FOXN3: variants seen among roughly 807,000 people sequenced by gnomAD.
FOXN3 encodes the protein forkhead box N3.
In FOXN3, 7 loss-of-function variants were observed where a neutral mutation model predicts 38.4. That is an observed-to-expected ratio of 0.18 (90% CI 0.10 to 0.34). The LOEUF (loss-of-function observed/expected upper bound fraction) is 0.34, where lower values mean the gene tolerates loss of function less well. FOXN3 is among the 10% of genes least tolerant of loss of function. The probability of loss-of-function intolerance (pLI) is 1.00; values close to 1 mark genes in which losing one functional copy is unlikely to be tolerated. For missense variants in FOXN3, 456 were observed against 613.4 expected (o/e 0.74, Z 2.71); for synonymous variants, 230 against 242.2 (o/e 0.95, Z 0.47).
chr14:89,523,651 A>C (rs1894366871), intron 1 of FOXN3, among the ~76,000 whole-genome samples: 1 of 152,352 alleles, frequency 6.6e-6, no homozygotes, highest in Non-Finnish European at 1.5e-5. Context: ...AACTGGATGA[A>C]AATGAAAACA....
chr14:89,333,742 A>G lies in FOXN3; in HGVS notation c.680+16930T>C, dbSNP rs1888331589. Among the ~76,000 whole-genome samples the G allele has an allele frequency of 2.8e-5, 3 of 108,898 alleles. No homozygotes were observed. In the South Asian group the frequency reaches 1.1e-3, roughly 41 times the overall value. 71.4% of individuals were successfully genotyped at this position (108,898 alleles called of 152,430 possible). A position where few individuals can be genotyped will look rare whatever the true frequency, so the allele number is the denominator to read the frequency against. ...CACTCCAGCCTGGGTGAACACAGAG[A>G]GACTATTAAAAAAAAAAAAAAAAAA... On this transcript the variant is annotated intron_variant, in intron 3 of 5. Transcript: ENST00000557258.
At chr14:89,204,719 A>G (rs546048830) in intron 4 of FOXN3, among the ~76,000 whole-genome samples, 2 of 152,322 alleles carry the variant, frequency 1.3e-5, no homozygotes, top group African/African-American at 4.8e-5. Flanking sequence ...TGAGAAGGCT[A>G]TGATAATATA....
intron 3 of FOXN3, among the ~76,000 whole-genome samples, chr14:89,292,651 G>C (rs142187780): frequency 7.9e-5 from 12 of 152,102 alleles, no homozygotes; most frequent in African/African-American, 2.7e-4. Context: ...AGGGTACAGC[G>C]TTCAAGGCCC....
rs560732864 is a variant in FOXN3 at position 89,343,861 on chromosome 14, C to T, written c.680+6811G>A. On this transcript the variant is annotated intron_variant, in intron 3 of 5. Transcript: ENST00000557258. The stretch of plus-strand genomic sequence containing the variant: ...CACTGCAACCTCCACCTCCCAGGTT[C>T]AAGCAATTCTCCTGCCTTAGCCTCC... Among the ~76,000 whole-genome samples the T allele has an allele frequency of 9.2e-5, 14 of 152,244 alleles. No individual in the cohort carries two copies. The South Asian group carries it at 2.3e-3, about 25-fold the overall frequency.
intron 2 of FOXN3, among the ~76,000 whole-genome samples, chr14:89,380,571 C>T (rs1051393120): frequency 6.6e-6 from 1 of 152,176 alleles, no homozygotes; most frequent in Non-Finnish European, 1.5e-5. Context: ...ACACCGTGCC[C>T]GTCTGTGCGC....
chr14:89,574,672 C>T (rs895882663), intron 1 of FOXN3, among the ~76,000 whole-genome samples: 3 of 152,194 alleles, frequency 2.0e-5, no homozygotes, highest in Non-Finnish European at 4.4e-5. Context: ...TTTCCTACCA[C>T]TTTACATCCC....
chr14:89,468,367 T>C (rs1050018801), intron 1 of FOXN3, among the ~76,000 whole-genome samples: 1 of 152,006 alleles, frequency 6.6e-6, no homozygotes, highest in Non-Finnish European at 1.5e-5. Flanking sequence ...GACAGAAGAA[T>C]TGCTTGAACC....
At chr14:89,601,343 T>C (rs191150636) in intron 1 of FOXN3, among the ~76,000 whole-genome samples, 33 of 151,910 alleles carry the variant, frequency 2.2e-4, no homozygotes, top group African/African-American at 7.0e-4. Context: ...CCACATGCAT[T>C]GTGTTTGCAT....
intron 1 of FOXN3, among the ~76,000 whole-genome samples, chr14:89,469,682 G>A (rs150476485): frequency 1.2e-4 from 18 of 152,350 alleles, no homozygotes; most frequent in African/African-American, 4.3e-4. Flanking sequence ...GAACGGAGCA[G>A]GAGCTGATGG....
intron 1 of FOXN3, among the ~76,000 whole-genome samples, chr14:89,553,683 G>A (rs1052032669): frequency 2.0e-5 from 3 of 152,022 alleles, no homozygotes; most frequent in African/African-American, 7.3e-5. Flanking sequence ...TCGCTCATCC[G>A]GAAGTCAGGG....
intron 1 of FOXN3, among the ~76,000 whole-genome samples, chr14:89,433,526 T>C (rs1892209409): frequency 6.6e-6 from 1 of 151,552 alleles, no homozygotes. Context: ...AAAATTAGGC[T>C]GGGTGCGGTG....
chr14:89,388,170 C>A (rs1272748627), intron 2 of FOXN3, among the ~76,000 whole-genome samples: 2 of 152,158 alleles, frequency 1.3e-5, no homozygotes, highest in East Asian at 3.8e-4. Context: ...GGCAACAGAA[C>A]AAGATTCCGT....
At chr14:89,204,097 AC>A (rs1566928504) in intron 4 of FOXN3, among the ~76,000 whole-genome samples, 129 of 135,610 alleles carry the variant, frequency 9.5e-4, no homozygotes, top group African/African-American at 3.5e-3. Flanking sequence ...ACACACACAC[AC>A]ACACAACTAC....
intron 1 of FOXN3, among the ~76,000 whole-genome samples, chr14:89,615,343 A>G (rs1714133690): frequency 6.6e-6 from 1 of 152,198 alleles, no homozygotes; most frequent in South Asian, 2.1e-4. Flanking sequence ...GTGTGTGAGT[A>G]ACTAGCTGAC....
At position 89,617,949 on chromosome 14, in the gene FOXN3, C is replaced by G. The variant is rs115201462; in HGVS notation, c.-15+1079G>C. ...GGGCTCCAGTCATTCGTGCAGCCTT[C>G]AGAGCTCTGCACCCTCCGAGCTGCT... On this transcript the variant is annotated intron_variant, in intron 1 of 6. Coordinates refer to the FOXN3 transcript ENST00000345097. Among the ~76,000 whole-genome samples, 1,076 of 152,292 alleles carry G rather than the reference C, an allele frequency of 7.1e-3. 10 individuals carry two copies. Among genetic ancestry groups the G allele is most frequent in the African/African-American group, 0.025 (1,032 of 41,556 alleles).
intron 1 of FOXN3, among the ~76,000 whole-genome samples, chr14:89,553,530 T>G (rs984248813): frequency 6.6e-6 from 1 of 151,824 alleles, no homozygotes; most frequent in African/African-American, 2.4e-5. Context: ...TTTTAATTCC[T>G]GATGAAGCAG....
In FOXN3 at chr14:89,412,831, C is replaced by T. The variant is rs1212078222; in HGVS notation, c.-14-341G>A. ...GGACGATTGCTTGAGACCAGGAGAC[C>T]AGTTTTAAAGTACGTTAAATTTTAC... On this transcript the variant is annotated intron_variant, in intron 1 of 5. Coordinates refer to ENST00000557258, the MANE Select transcript of FOXN3 (RefSeq NM_005197.4). The surrounding 1 kb of genome is among the most constrained non-coding windows in gnomAD (Gnocchi z 4.7). 1.3e-5 allele frequency among the ~76,000 whole-genome samples: 2 copies of T among 152,066 alleles called. No homozygotes were observed. Among genetic ancestry groups the T allele is most frequent in the Non-Finnish European group, 2.9e-5 (2 of 68,010 alleles).
At position 89,547,463 on chromosome 14, in the gene FOXN3, G is replaced by T. The variant is rs369686615; in HGVS notation, c.-15+71565C>A. ...TTGTTTGTTGTTTGTTTTTTGTGGG[G>T]TTTTTTGTATTTTTAGTAGAGATGG... is the stretch of plus-strand genomic sequence containing the variant. On this transcript the variant is annotated intron_variant, in intron 1 of 6. Coordinates refer to the FOXN3 transcript ENST00000345097. Among the ~76,000 whole-genome samples the T allele has an allele frequency of 2.6e-4, 39 of 150,144 alleles. 2 individuals are homozygous for T. The highest frequency in any genetic ancestry group is 1.8e-3 in the East Asian group (9 of 5,012).
At chr14:89,435,189 C>T (rs1371882218) in intron 1 of FOXN3, among the ~76,000 whole-genome samples, 2 of 151,988 alleles carry the variant, frequency 1.3e-5, no homozygotes, top group Non-Finnish European at 2.9e-5. Context: ...TAGAAGCCAG[C>T]CTGGGCAACA....
Sources: gnomAD v4.1 joint callset for allele counts (sites outside exome capture counted in the v4.1 genomes callset) on GRCh38, gnomAD v4.1.1 for gene constraint, Gnocchi (gnomAD v3.1) non-coding constraint, MANE v1.5 for transcripts, NCBI Gene and HGNC (gene_info 2026-07-23, HGNC 2026-07-21) for gene names.